JPT2: variants seen among roughly 807,000 people sequenced by gnomAD.
JPT2 encodes CRAMP_1 like.
In JPT2, 9 loss-of-function variants were observed where a neutral mutation model predicts 15.9. That is an observed-to-expected ratio of 0.57 (90% CI 0.34 to 0.99). The LOEUF is 0.99. Among genes scored for constraint, JPT2 ranks in the 50% least tolerant of loss-of-function variants. The probability of loss-of-function intolerance (pLI) is 0.02; values close to 1 mark genes in which losing one functional copy is unlikely to be tolerated. For synonymous variants in JPT2, 95 were observed against 91.7 expected (o/e 1.04, Z -0.21); for missense variants, 267 against 252.1 (o/e 1.06, Z -0.40).
At chr16:1,680,480 G>A in intron 1 of JPT2, 3 of 1,249,070 alleles carry the variant, frequency 2.4e-6, no homozygotes, top group Non-Finnish European at 3.1e-6. Flanking sequence ...AGGAAAGCCG[G>A]TCTGAACTGG....
At chr16:1,682,678 A>C (rs1234590081) in intron 1 of JPT2, among the ~76,000 whole-genome samples, 2 of 152,186 alleles carry the variant, frequency 1.3e-5, no homozygotes, top group Non-Finnish European at 2.9e-5. Flanking sequence ...GTCTCAAAAA[A>C]AAAAAAAAAT....
intron 1 of JPT2, among the ~76,000 whole-genome samples, chr16:1,682,002 T>A (rs2037026775): frequency 6.6e-6 from 1 of 152,264 alleles, no homozygotes; most frequent in African/African-American, 2.4e-5. Flanking sequence ...TTCGAAAGAT[T>A]GCAGGCCTTC....
chr16:1,685,613 C>T, intron 2 of JPT2, 26 bp downstream of exon 2: 5 of 1,598,102 alleles, frequency 3.1e-6, no homozygotes, highest in Non-Finnish European at 4.3e-6. Flanking sequence ...AATCCTTAAT[C>T]CTTTGGCCTC....
chr16:1,698,301 G>A lies in JPT2; in HGVS notation c.385+441G>A, dbSNP rs535679456. 2.0e-5 allele frequency among the ~76,000 whole-genome samples: 3 copies of A among 152,276 alleles called. No individual in the cohort carries two copies. The highest frequency in any genetic ancestry group is 6.5e-5 in the Admixed American group (1 of 15,296). On this transcript the variant is annotated intron_variant, in intron 4 of 4. Coordinates refer to ENST00000248098, the MANE Select transcript of JPT2 (RefSeq NM_144570.3). The surrounding 1 kb of genome is among the most constrained non-coding windows in gnomAD (Gnocchi z 4.9). ...AGCGGCAGACTTCGACTCTCCCCAC[G>A]GCTCTTTAGCCTGACCATGGGCATC...
rs200398195 is a variant in JPT2, at chr16:1,685,626, C to T, written c.193+39C>T. The T allele has an allele frequency of 1.8e-5, 28 of 1,582,652 alleles. No homozygotes were observed. In the Middle Eastern group the frequency reaches 5.1e-4, roughly 29 times the overall value. On this transcript the variant is annotated intron_variant, in intron 2 of 4. Coordinates refer to ENST00000248098, the MANE Select transcript of JPT2 (RefSeq NM_144570.3). ...GAAATCCTTAATCCTTTGGCCTCCA[C>T]GATTCTCTTTTGAAAATATTTTCTG...
chr16:1,689,282 G>A (rs1350120571), intron 2 of JPT2: 1 of 151,452 alleles, frequency 6.6e-6, no homozygotes, highest in Non-Finnish European at 1.5e-5. Context: ...ATTGCAGTGG[G>A]GGCTGGGGGT....
At chr16:1,683,721 C>A in intron 1 of JPT2, 2 of 663,436 alleles carry the variant, frequency 3.0e-6, no homozygotes, top group Non-Finnish European at 5.2e-6. Flanking sequence ...CACATCCAGT[C>A]ACAAGGAGCC....
chr16:1,685,292 C>A, intron 1 of JPT2, 147 bp from the exon 2 acceptor site: 1 of 800,944 alleles, frequency 1.2e-6, no homozygotes. Flanking sequence ...CACGTCACTG[C>A]GCTCCAGCCT....
chr16:1,679,736 C>T (rs1415786274), intron 1 of JPT2, among the ~76,000 whole-genome samples: 1 of 148,794 alleles, frequency 6.7e-6, no homozygotes, highest in Non-Finnish European at 1.5e-5. Context: ...GGAGTTAGGT[C>T]AGTATTCAGT....
intron 2 of JPT2, among the ~76,000 whole-genome samples, chr16:1,691,173 C>A (rs1048480219): frequency 3.9e-5 from 6 of 152,226 alleles, no homozygotes; most frequent in African/African-American, 1.4e-4. Context: ...AGCCATCTTT[C>A]TGTGGAATGT....
rs762874427 is a variant in JPT2 at position 1,685,468 on chromosome 16, G to A, written c.74G>A (p.Ser25Asn). 4 of 1,614,136 alleles carry A rather than the reference G, an allele frequency of 2.5e-6. No individual in the cohort carries two copies. The highest frequency in any genetic ancestry group is 1.7e-5 in the Admixed American group (1 of 60,022). Residue 25 changes from serine to asparagine, a missense_variant, in exon 2 of 5, where the codon AGC (serine) becomes AAC (asparagine). By Grantham distance (46) the Ser-to-Asn change is conservative. Transcript: ENST00000248098. ...ATGAAGCCCCCAGGAGGAGAATCGA[G>A]CAATCTTTTTGGAAGTCCAGAAGAA... Reference protein sequence around the residue: ...RAMKPPGGESSNLFGSPEEAT... With the variant: ...RAMKPPGGESNNLFGSPEEAT...
At chr16:1,692,200 C>T in intron 3 of JPT2, 2 of 624,328 alleles carry the variant, frequency 3.2e-6, no homozygotes, top group Non-Finnish European at 5.4e-6. Context: ...GTGGGGGAAG[C>T]TCTTCTGTGC....
At position 1,685,231 on chromosome 16, in the gene JPT2, G is replaced by C. The variant is rs2037055549; in HGVS notation, c.45-208G>C. ...TAATCCCAGCTACTCAGGAGGCTGA[G>C]GTGGGAGGATCACTTGAGCCCAGGA... On this transcript the variant is annotated intron_variant, in intron 1 of 4. Transcript: ENST00000248098. 36 of 467,606 alleles carry C rather than the reference G, an allele frequency of 7.7e-5. No individual in the cohort carries two copies. The South Asian group carries it at 9.3e-4, about 12-fold the overall frequency. The allele number at this position is 467,606 out of a possible 1,614,324, so 29.0% of individuals were successfully genotyped here. A position where few individuals can be genotyped will look rare whatever the true frequency, so the allele number is the denominator to read the frequency against.
In JPT2 at chr16:1,699,849, T is replaced by C; in HGVS notation, c.*851T>C. ...TTCCCATAAATGAGGCCCGCTGACCTCTGCGGGACTTTAAAAATCTATTCA... is the reference window on the plus strand; with the variant it reads ...TTCCCATAAATGAGGCCCGCTGACCCCTGCGGGACTTTAAAAATCTATTCA... On this transcript the variant is annotated 3_prime_UTR_variant, in exon 5 of 5. Transcript: ENST00000248098. The C allele has an allele frequency of 3.7e-6, 1 of 272,028 alleles. No homozygotes were observed. The highest frequency in any genetic ancestry group is 8.1e-5 in the East Asian group (1 of 12,322). The allele number at this position is 272,028 out of a possible 1,614,324, so 16.9% of individuals were successfully genotyped here.
At chr16:1,683,526 C>G (rs943356423) in intron 1 of JPT2, 72 of 1,535,088 alleles carry the variant, frequency 4.7e-5, no homozygotes, top group Non-Finnish European at 4.9e-5. Flanking sequence ...CAACTGCTGA[C>G]AGGAAGTTTG....
In JPT2 at chr16:1,698,906, G is replaced by A. The variant is rs1465148166; in HGVS notation, c.481G>A (p.Asp161Asn). 4.3e-6 allele frequency: 7 copies of A among 1,614,214 alleles called. No homozygotes were observed. The highest frequency in any genetic ancestry group is 1.3e-5 in the African/African-American group (1 of 75,078). The change falls in exon 5 of 5, where the codon GAC (aspartate) becomes AAC (asparagine). Residue 161 changes from aspartate (D) to asparagine (N), a missense_variant. Transcript: ENST00000248098. This position sits in a 1 kb window ranked among gnomAD's most constrained non-coding sequence, Gnocchi z 4.9. ...GGAGCAGGAGCCCATGCCCACAGTC[G>A]ACAGCCATGAGCCCCGGCTGGGGCC... ...AKEQEPMPTV[D>N]SHEPRLGPRP...
intron 2 of JPT2, chr16:1,689,731 T>C (rs1347884367): frequency 6.6e-6 from 1 of 152,256 alleles, no homozygotes; most frequent in Non-Finnish European, 1.5e-5. Context: ...TGTGAGCCAG[T>C]GCACTTGGAC....
At chr16:1,688,946 G>A (rs926237229) in intron 2 of JPT2, 3 of 152,156 alleles carry the variant, frequency 2.0e-5, no homozygotes, top group African/African-American at 4.8e-5. Flanking sequence ...CCTATTGCAC[G>A]TATACGTGGT....
intron 1 of JPT2, 182 bp from the exon 2 acceptor site, chr16:1,685,257 G>A (rs2037055789): frequency 3.7e-6 from 2 of 541,308 alleles, no homozygotes; most frequent in Non-Finnish European, 6.4e-6. Context: ...GAGCCCAGGA[G>A]GCAGAGGTTG....
Sources: gnomAD v4.1 joint callset for allele counts (sites outside exome capture counted in the v4.1 genomes callset) on GRCh38, gnomAD v4.1.1 for gene constraint, Gnocchi (gnomAD v3.1) non-coding constraint, MANE v1.5 for transcripts, NCBI Gene and HGNC (gene_info 2026-07-23, HGNC 2026-07-21) for gene names.